The following KNL1 variants were observed in gnomAD, a reference collection of about 807,000 sequenced individuals.
KNL1 encodes the protein kinetochore scaffold 1, also known as outer kinetochore KNL1 complex subunit KNL1.
In KNL1, 66 loss-of-function variants were observed where a neutral mutation model predicts 201.3. The observed-to-expected ratio is 0.33, with a 90% CI of 0.27 to 0.40. The LOEUF is 0.40. Among genes scored for constraint, KNL1 ranks in the 10% least tolerant of loss-of-function variants. The probability of loss-of-function intolerance (pLI) is 1.00; values close to 1 mark genes in which losing one functional copy is unlikely to be tolerated. For missense variants in KNL1, 2,815 were observed against 2,690.5 expected (o/e 1.05, Z -1.02); for synonymous variants, 895 against 899.2 (o/e 1.00, Z 0.08).
At chr15:40,610,031 C>G (rs754844744) in intron 5 of KNL1, among the ~76,000 whole-genome samples, 1 of 151,932 alleles carries the variant, frequency 6.6e-6, no homozygotes, top group Non-Finnish European at 1.5e-5. Flanking sequence ...AAAGCGAGAC[C>G]CTGTTTAAAA....
rs1448539758 is a variant in KNL1 at position 40,622,119 on chromosome 15, C to T, written c.1855C>T (p.Arg619Cys). 4 of 1,614,014 alleles carry T rather than the reference C, an allele frequency of 2.5e-6. No individual in the cohort carries two copies. The highest frequency in any genetic ancestry group is 1.7e-5 in the Admixed American group (1 of 60,010). The change falls in exon 10 of 26, where the codon CGT becomes TGT. Residue 619 changes from arginine (R) to cysteine (C), a missense_variant. Transcript: ENST00000399668. ...TGAATGTGAAGAAATTACCAAAAGT[C>T]GTAATGAACCATTTCAGCGATCAGA... ...SDECEEITKS[R>C]NEPFQRSDII...
rs1892064215 is a variant in KNL1, at chr15:40,608,883, C to T, written c.172C>T (p.Arg58Ter). 1.2e-6 allele frequency: 2 copies of T among 1,610,846 alleles called. No homozygotes were observed. The highest frequency in any genetic ancestry group is 8.5e-7 in the Non-Finnish European group (1 of 1,178,116). ...TTTGAGAAATAAGAAAAACTCTCGTCGAGTCAGCTTTGCAGATACTATAAA... is the reference window on the plus strand; with the variant it reads ...TTTGAGAAATAAGAAAAACTCTCGTTGAGTCAGCTTTGCAGATACTATAAA... ...NALRNKKNSRRVSFADTIKVF... is the reference protein window; with the variant it reads ...NALRNKKNSR The change falls in exon 5 of 26, where the codon CGA becomes TGA. Residue 58 changes from arginine (R) to a stop codon, truncating the protein, a stop_gained. Coordinates refer to ENST00000399668, the MANE Select transcript of KNL1 (RefSeq NM_144508.5). LOFTEE classifies it high-confidence loss of function.
intron 13 of KNL1, among the ~76,000 whole-genome samples, chr15:40,637,609 G>T (rs1202909442): frequency 6.6e-6 from 1 of 152,164 alleles, no homozygotes; most frequent in Non-Finnish European, 1.5e-5. Context: ...ATGGGTTGCT[G>T]TTAAAATGTA....
chr15:40,618,941 T>G lies in KNL1; in HGVS notation c.323-18T>G, dbSNP rs1892429067. ...GTGTTATATTTTCTGACTACAGTTT[T>G]TTCTTTTTTCTAAATAGGGATGAAC... On this transcript the variant is annotated intron_variant, in intron 8 of 25. Coordinates refer to ENST00000399668, the MANE Select transcript of KNL1 (RefSeq NM_144508.5). 3 of 1,564,754 alleles carry G rather than the reference T, an allele frequency of 1.9e-6. No homozygotes were observed. The highest frequency in any genetic ancestry group is 2.6e-6 in the Non-Finnish European group (3 of 1,140,546).
intron 13 of KNL1, among the ~76,000 whole-genome samples, chr15:40,636,957 ACT>A (rs1893072222): frequency 6.6e-6 from 1 of 152,012 alleles, no homozygotes; most frequent in Non-Finnish European, 1.5e-5. Context: ...AAAGGTGAAG[ACT>A]CTTATTTTAA....
intron 14 of KNL1, among the ~76,000 whole-genome samples, chr15:40,643,935 C>T (rs938114117): frequency 2.6e-5 from 4 of 152,156 alleles, no homozygotes; most frequent in Admixed American, 2.0e-4. Flanking sequence ...TTCAAGCTGG[C>T]TTCTGAACCC....
chr15:40,661,902 G>A (rs1482894530), intron 25 of KNL1, among the ~76,000 whole-genome samples, 172 bp from the exon 26 acceptor site: 2 of 152,082 alleles, frequency 1.3e-5, no homozygotes, highest in African/African-American at 4.8e-5. Context: ...TTAGCCGGGC[G>A]TGGTGGCAGG....
intron 5 of KNL1, among the ~76,000 whole-genome samples, chr15:40,609,451 A>T (rs1014002578): frequency 2.0e-5 from 3 of 152,048 alleles, no homozygotes; most frequent in Non-Finnish European, 4.4e-5. Flanking sequence ...ATAGTGAGTG[A>T]TACCTAATAT....
intron 13 of KNL1, among the ~76,000 whole-genome samples, chr15:40,632,271 TAGAAGATTAAG>T (rs1465592634): frequency 7.2e-6 from 1 of 138,814 alleles, no homozygotes; most frequent in African/African-American, 2.7e-5. Flanking sequence ...AGCTAAAATA[TAGAAGATTAAG>T]AAAGAAAACG....
At chr15:40,628,792 T>A in intron 12 of KNL1, 114 bp downstream of exon 12, 1 of 578,790 alleles carries the variant, frequency 1.7e-6, no homozygotes. Context: ...TTACGAAATA[T>A]TTCAAATATA....
chr15:40,628,098 T>G lies in KNL1; in HGVS notation c.5405T>G (p.Ile1802Arg). The G allele has an allele frequency of 6.2e-7, 1 of 1,607,658 alleles. No individual in the cohort carries two copies. Among genetic ancestry groups the G allele is most frequent in the Non-Finnish European group, 8.5e-7 (1 of 1,177,964 alleles). Reference sequence around the variant, plus strand: ...TTTGATCACCATACTGAAGAGGATATAGATAAAAGTGCTAACAGTGTATTG... The same window carrying G: ...TTTGATCACCATACTGAAGAGGATAGAGATAAAAGTGCTAACAGTGTATTG... ...EIFDHHTEED[I>R]DKSANSVLIK... The change falls in exon 11 of 26, where the codon ATA becomes AGA. Residue 1802 changes from isoleucine (I) to arginine (R), a missense_variant. Physicochemically the swap from Ile to Arg is moderately conservative, Grantham distance 97. This residue lies in a region of KNL1 where 2,464 missense variants were observed against 2,291.7 expected (regional missense o/e 1.08). Transcript: ENST00000399668.
At chr15:40,655,240 G>A (rs1164102060) in intron 22 of KNL1, among the ~76,000 whole-genome samples, 2 of 151,920 alleles carry the variant, frequency 1.3e-5, no homozygotes, top group African/African-American at 4.8e-5. Flanking sequence ...GGAGGTTGTG[G>A]TGAGCCAAGA....
chr15:40,648,566 G>A (rs1893463220), intron 17 of KNL1, among the ~76,000 whole-genome samples: 1 of 151,954 alleles, frequency 6.6e-6, no homozygotes, highest in Non-Finnish European at 1.5e-5. Flanking sequence ...TGTCTTTGAG[G>A]CTCTCTTAAC....
At chr15:40,642,542 G>C (rs959481732) in intron 14 of KNL1, among the ~76,000 whole-genome samples, 1 of 152,152 alleles carries the variant, frequency 6.6e-6, no homozygotes, top group African/African-American at 2.4e-5. Context: ...GTTCATCGCT[G>C]AACAAAACTG....
chr15:40,661,845 A>C (rs565108642), intron 25 of KNL1, among the ~76,000 whole-genome samples: 1 of 152,182 alleles, frequency 6.6e-6, no homozygotes, highest in Non-Finnish European at 1.5e-5. Context: ...GATCGAGACC[A>C]TCCTGAGTAA....
At chr15:40,603,456 C>T (rs1414843875) in intron 2 of KNL1, among the ~76,000 whole-genome samples, 7 of 152,200 alleles carry the variant, frequency 4.6e-5, no homozygotes, top group Non-Finnish European at 8.8e-5. Context: ...TCATAGCTTT[C>T]CTTGCCATTG....
intron 8 of KNL1, among the ~76,000 whole-genome samples, chr15:40,618,313 A>G (rs1456566106): frequency 1.3e-5 from 2 of 151,898 alleles, no homozygotes; most frequent in African/African-American, 4.8e-5. Flanking sequence ...ACTTCTCCTT[A>G]TTACTTTTTA....
At position 40,625,620 on chromosome 15, in the gene KNL1, G is replaced by T; in HGVS notation, c.5356G>T (p.Asp1786Tyr). 2 of 1,611,126 alleles carry T rather than the reference G, an allele frequency of 1.2e-6. No homozygotes were observed. The highest frequency in any genetic ancestry group is 2.2e-5 in the South Asian group (2 of 90,316). Residue 1786 changes from aspartate (D) to tyrosine (Y), a missense_variant, in exon 10 of 26, where the codon GAT becomes TAT. By Grantham distance (160) the Asp-to-Tyr change is radical (BLOSUM62 -3). Around this residue, in one of 3 missense-constraint regions of KNL1, gnomAD observed 2,464 missense variants for 2,291.7 expected, o/e 1.08. Transcript: ENST00000399668. Reference sequence around the variant, plus strand: ...CAGAAAAAATGAGATTAAGTTTAGTGATACGACACAAGATCGGGAGGTGAG... The same window carrying T: ...CAGAAAAAATGAGATTAAGTTTAGTTATACGACACAAGATCGGGAGGTGAG... ...KIRKNEIKFSDTTQDREIFDH... is the reference protein window; with the variant it reads ...KIRKNEIKFSYTTQDREIFDH...
At chr15:40,604,638 G>A (rs1014468038) in intron 2 of KNL1, among the ~76,000 whole-genome samples, 2 of 152,148 alleles carry the variant, frequency 1.3e-5, no homozygotes, top group African/African-American at 4.8e-5. Flanking sequence ...TCCTATTCTT[G>A]TTTGGCAACA....
Sources: allele counts gnomAD v4.1 joint callset (sites outside exome capture counted in the v4.1 genomes callset), GRCh38; gene constraint gnomAD v4.1.1; regional missense constraint gnomAD v4.1.1; transcripts MANE v1.5; gene names NCBI Gene and HGNC (gene_info 2026-07-23, HGNC 2026-07-21).